Variants in DDX60 observed in about 807,000 individuals in gnomAD.
DDX60 encodes the protein DExD/H-box helicase 60, also known as probable ATP-dependent RNA helicase DDX60.
In DDX60, 165 loss-of-function variants were observed where a neutral mutation model predicts 212.8. The ratio of observed to expected loss-of-function variants is 0.78; its 90% CI spans 0.68 to 0.88. DDX60 has a LOEUF of 0.88. Ranked by LOEUF, DDX60 falls within the 40% of genes least tolerant of loss-of-function variation. The pLI is 0.00. For synonymous variants in DDX60, 703 were observed against 685.3 expected, an observed-to-expected ratio of 1.03 and a Z score of -0.40; for missense variants, 1,905 against 2,003.9, an observed-to-expected ratio of 0.95 and a Z score of 0.94.
chr4:168,309,677 G>A (rs1347457858), intron 3 of DDX60, among the ~76,000 whole-genome samples: 2 of 152,100 alleles, frequency 1.3e-5, no homozygotes, highest in Non-Finnish European at 2.9e-5. Context: ...AATATGGTTT[G>A]ATAATTTTGG....
At chr4:168,307,540 C>T (rs1267012875) in intron 4 of DDX60, among the ~76,000 whole-genome samples, 2 of 152,078 alleles carry the variant, frequency 1.3e-5, no homozygotes, top group African/African-American at 4.8e-5. Flanking sequence ...AACTCCTGGG[C>T]TCAAGTAATC....
intron 34 of DDX60, among the ~76,000 whole-genome samples, chr4:168,224,598 T>C (rs1488637166): frequency 6.6e-6 from 1 of 152,034 alleles, no homozygotes; most frequent in Non-Finnish European, 1.5e-5. Context: ...AGTATCACTA[T>C]TATAAAAATG....
chr4:168,271,924 C>T (rs886113841), intron 19 of DDX60, 119 bp downstream of exon 19: 1 of 741,862 alleles, frequency 1.3e-6, no homozygotes, highest in Non-Finnish European at 2.2e-6. Context: ...GAAAAAAAAA[C>T]GGAGGCCTTC....
At chr4:168,316,988 G>A (rs1737415150) in intron 1 of DDX60, among the ~76,000 whole-genome samples, 1 of 149,466 alleles carries the variant, frequency 6.7e-6, no homozygotes, top group Non-Finnish European at 1.5e-5. Context: ...AACCTGGGAG[G>A]CAGAGGTTGC....
At chr4:168,300,605 T>TGTGTGA (rs1409795738) in intron 6 of DDX60, among the ~76,000 whole-genome samples, 1 of 151,916 alleles carries the variant, frequency 6.6e-6, no homozygotes, top group African/African-American at 2.4e-5. Context: ...TGTGTGTGTG[T>TGTGTGA]GTGTAGTGGA....
At chr4:168,228,711 T>C (rs1394766107) in intron 33 of DDX60, among the ~76,000 whole-genome samples, 1 of 152,126 alleles carries the variant, frequency 6.6e-6, no homozygotes, top group Non-Finnish European at 1.5e-5. Context: ...ACAATGTGTA[T>C]TCCTTTATAT....
rs1560880204 is a variant in DDX60 at position 168,308,063 on chromosome 4, T to G, written c.207A>C (p.Glu69Asp). Residue 69 changes from glutamate to aspartate, a missense_variant, in exon 4 of 38, where the codon GAA becomes GAC. Coordinates refer to ENST00000393743, the MANE Select transcript of DDX60 (RefSeq NM_017631.6). Reference sequence around the variant, plus strand: ...TGCTAATAAGATCCACAAGATAGCGTTCAACCAGATAGAAGAAATGGAGGT... The same window carrying G: ...TGCTAATAAGATCCACAAGATAGCGGTCAACCAGATAGAAGAAATGGAGGT... ...GQNLHFFYLV[E>D]RYLVDLISKG... 7.4e-6 allele frequency: 12 copies of G among 1,611,586 alleles called. 1 individual carries two copies. In the South Asian group the frequency reaches 8.9e-5, roughly 12 times the overall value.
intron 6 of DDX60, among the ~76,000 whole-genome samples, chr4:168,297,719 C>T (rs2149541823): frequency 6.7e-6 from 1 of 148,800 alleles, no homozygotes; most frequent in Non-Finnish European, 1.5e-5. Flanking sequence ...GCCTAGAAAA[C>T]ATGACAAAAG....
intron 22 of DDX60, chr4:168,265,495 C>A (rs1348527221): frequency 6.6e-6 from 1 of 152,122 alleles, no homozygotes; most frequent in Non-Finnish European, 1.5e-5. Flanking sequence ...TGCATTCCTG[C>A]CACAAAAGTC....
At position 168,311,286 on chromosome 4, in the gene DDX60, T is replaced by C. The variant is rs757852012; in HGVS notation, c.-27A>G. Reference sequence around the variant, plus strand: ...CTTGCTGCTGCCTGTGCCTCCAACCTGAACTGGCAAGTATTAAAGGTAGCA... The same window carrying C: ...CTTGCTGCTGCCTGTGCCTCCAACCCGAACTGGCAAGTATTAAAGGTAGCA... On this transcript the variant is annotated 5_prime_UTR_variant, in exon 2 of 38. Transcript: ENST00000393743. 1 of 1,612,300 alleles carries C rather than the reference T, an allele frequency of 6.2e-7. No individual in the cohort carries two copies. Among genetic ancestry groups the C allele is most frequent in the South Asian group, 1.1e-5 (1 of 90,880 alleles).
intron 5 of DDX60, among the ~76,000 whole-genome samples, chr4:168,304,479 T>C (rs1401287621): frequency 1.3e-5 from 2 of 152,124 alleles, no homozygotes; most frequent in African/African-American, 2.4e-5. Flanking sequence ...GGCAGTCAGA[T>C]TGGTTGAGCC....
At chr4:168,257,142 C>T (rs773234640) in intron 25 of DDX60, among the ~76,000 whole-genome samples, 9 of 152,084 alleles carry the variant, frequency 5.9e-5, no homozygotes, top group Non-Finnish European at 7.4e-5. Context: ...CTGGACAACA[C>T]AGTGACACAG....
intron 30 of DDX60, among the ~76,000 whole-genome samples, chr4:168,242,631 T>C (rs371492833): frequency 6.6e-6 from 1 of 152,320 alleles, no homozygotes; most frequent in East Asian, 1.9e-4. Flanking sequence ...ATGTACCCAA[T>C]GCCTGTACCC....
intron 1 of DDX60, among the ~76,000 whole-genome samples, chr4:168,311,603 G>A (rs1357475072): frequency 2.6e-5 from 4 of 152,132 alleles, no homozygotes; most frequent in African/African-American, 9.7e-5. Flanking sequence ...TAATGCTTGA[G>A]CTGAGTTCTA....
chr4:168,279,438 G>A (rs1365662398), intron 14 of DDX60, among the ~76,000 whole-genome samples: 1 of 152,226 alleles, frequency 6.6e-6, no homozygotes, highest in Non-Finnish European at 1.5e-5. Context: ...CCTGCCTGGT[G>A]TTTGATTACA....
intron 14 of DDX60, among the ~76,000 whole-genome samples, chr4:168,276,859 A>G (rs540672723): frequency 1.3e-5 from 2 of 152,374 alleles, no homozygotes; most frequent in Admixed American, 1.3e-4. Flanking sequence ...ACTGATTGTT[A>G]TGCACTGTTT....
chr4:168,308,179 T>A lies in DDX60; in HGVS notation c.91A>T (p.Asn31Tyr). The A allele has an allele frequency of 3.9e-6, 6 of 1,557,940 alleles. No homozygotes were observed. The highest frequency in any genetic ancestry group is 5.2e-6 in the Non-Finnish European group (6 of 1,143,736). Residue 31 changes from asparagine to tyrosine, a missense_variant, in exon 4 of 38, where the codon AAT (asparagine) becomes TAT (tyrosine). By Grantham distance (143) the Asn-to-Tyr change is moderately radical (BLOSUM62 -2). Coordinates refer to ENST00000393743, the MANE Select transcript of DDX60 (RefSeq NM_017631.6). ...AAAAATTCAGATTCAACAAAATCATTGAATAAACTGGAATATCTAAAATGA... is the reference window on the plus strand; with the variant it reads ...AAAAATTCAGATTCAACAAAATCATAGAATAAACTGGAATATCTAAAATGA... ...MPKAEYSSLF[N>Y]DFVESEFFLI...
At chr4:168,291,014 T>C (rs907875629) in intron 8 of DDX60, among the ~76,000 whole-genome samples, 4 of 152,094 alleles carry the variant, frequency 2.6e-5, no homozygotes, top group Non-Finnish European at 4.4e-5. Context: ...CCAAAATCAA[T>C]AACCCCAAAT....
chr4:168,324,936 G>A, the DDX60 span, among the ~76,000 whole-genome samples: 2 of 152,228 alleles, frequency 1.3e-5, no homozygotes, highest in African/African-American at 4.8e-5. Flanking sequence ...TGGCCTGGTA[G>A]AGGCGTATTA....
Sources: gnomAD v4.1 joint callset for allele counts (sites outside exome capture counted in the v4.1 genomes callset) on GRCh38, gnomAD v4.1.1 for gene constraint, MANE v1.5 for transcripts, NCBI Gene and HGNC (gene_info 2026-07-23, HGNC 2026-07-21) for gene names.